Variants in LRRTM4 observed in about 807,000 individuals in gnomAD.
LRRTM4 encodes the protein leucine rich repeat transmembrane neuronal 4, also known as leucine-rich repeat transmembrane neuronal protein 4.
A neutral mutation model predicts 47.6 loss-of-function variants in LRRTM4; 25 were observed. The ratio of observed to expected loss-of-function variants is 0.53; its 90% CI spans 0.38 to 0.73. The LOEUF is 0.73. LRRTM4 is among the 30% of genes least tolerant of loss of function. The pLI, the probability that LRRTM4 is intolerant of heterozygous loss-of-function variation, is 0.00. For missense variants in LRRTM4, 638 were observed against 713.4 expected, an observed-to-expected ratio of 0.89 and a Z score of 1.20; for synonymous variants, 311 against 269.5, an observed-to-expected ratio of 1.15 and a Z score of -1.51.
chr2:77,490,505 G>A (rs965619561), intron 3 of LRRTM4, among the ~76,000 whole-genome samples: 1 of 152,102 alleles, frequency 6.6e-6, no homozygotes, highest in Non-Finnish European at 1.5e-5. Flanking sequence ...AAGAAGAGCA[G>A]TACTTTCTGG....
chr2:76,906,845 A>T (rs1673858376), intron 3 of LRRTM4, among the ~76,000 whole-genome samples: 1 of 151,458 alleles, frequency 6.6e-6, no homozygotes, highest in African/African-American at 2.4e-5. Context: ...AGATTCATAA[A>T]GCAAGTCCTG....
chr2:76,786,370 T>G (rs1308327728), intron 3 of LRRTM4, among the ~76,000 whole-genome samples: 1 of 152,050 alleles, frequency 6.6e-6, no homozygotes, highest in Admixed American at 6.6e-5. Context: ...AAATGATGAA[T>G]AGGCAAATTG....
intron 3 of LRRTM4, among the ~76,000 whole-genome samples, chr2:76,843,129 C>T (rs1347709043): frequency 6.6e-6 from 1 of 152,036 alleles, no homozygotes; most frequent in Non-Finnish European, 1.5e-5. Context: ...AGTTGATAGC[C>T]ATCCTCTTTT....
intron 3 of LRRTM4, among the ~76,000 whole-genome samples, chr2:77,021,152 T>C (rs1678255445): frequency 6.6e-6 from 1 of 152,054 alleles, no homozygotes; most frequent in African/African-American, 2.4e-5. Context: ...ATCTATTGCC[T>C]TATCTATATG....
chr2:77,191,144 T>C (rs1673658991), intron 3 of LRRTM4, among the ~76,000 whole-genome samples: 1 of 152,112 alleles, frequency 6.6e-6, no homozygotes, highest in African/African-American at 2.4e-5. Context: ...AAAGTCTCAG[T>C]AAACTTTCAA....
At chr2:76,819,626 G>C (rs1243745905) in intron 3 of LRRTM4, among the ~76,000 whole-genome samples, 1 of 151,706 alleles carries the variant, frequency 6.6e-6, no homozygotes, top group East Asian at 1.9e-4. Flanking sequence ...CAAAGACTTT[G>C]CCACACACAA....
intron 3 of LRRTM4, among the ~76,000 whole-genome samples, chr2:76,921,544 A>G (rs1674433154): frequency 6.6e-6 from 1 of 152,102 alleles, no homozygotes; most frequent in Admixed American, 6.6e-5. Context: ...TATAGCAGGT[A>G]GTACCTATAT....
At position 77,415,466 on chromosome 2, in the gene LRRTM4, C is replaced by T. The variant is rs1416629360; in HGVS notation, c.1551+102852G>A. Among the ~76,000 whole-genome samples the T allele has an allele frequency of 3.3e-5, 5 of 152,092 alleles. No individual in the cohort carries two copies. In the South Asian group the frequency reaches 1.0e-3, roughly 32 times the overall value. The stretch of plus-strand genomic sequence containing the variant: ...TTTCTTACTGAACTCGAAACTTATT[C>T]ATATAGCCTTCTTAAATTCCATGGA... On this transcript the variant is annotated intron_variant, in intron 3 of 3. Coordinates refer to ENST00000409884, the MANE Select transcript of LRRTM4 (RefSeq NM_001134745.3).
intron 3 of LRRTM4, among the ~76,000 whole-genome samples, chr2:77,401,559 C>T (rs1673956727): frequency 1.3e-5 from 2 of 151,822 alleles, no homozygotes; most frequent in South Asian, 4.1e-4. Context: ...GCACATAGAA[C>T]AGTTCCTGAC....
intron 3 of LRRTM4, among the ~76,000 whole-genome samples, chr2:77,199,102 T>C (rs769295342): frequency 3.1e-4 from 47 of 152,286 alleles, no homozygotes; most frequent in Non-Finnish European, 6.3e-4. Context: ...ATAATACTTA[T>C]TGAATGCTAA....
At chr2:77,436,918 A>C (rs1675623898) in intron 3 of LRRTM4, among the ~76,000 whole-genome samples, 1 of 151,942 alleles carries the variant, frequency 6.6e-6, no homozygotes, top group Admixed American at 6.5e-5. Context: ...CATCTATAAT[A>C]AGGAATATTT....
chr2:77,358,850 G>A (rs1424855813), intron 3 of LRRTM4, among the ~76,000 whole-genome samples: 1 of 152,044 alleles, frequency 6.6e-6, no homozygotes, highest in East Asian at 1.9e-4. Context: ...TAGGGCTTAG[G>A]GCAATTGTGT....
rs571256909 is a variant in LRRTM4 at position 77,078,802 on chromosome 2, C to T, written c.1552-329886G>A. On this transcript the variant is annotated intron_variant, in intron 3 of 3. Transcript: ENST00000409884. ...ATACCATCTTACTTCATTCCAGATG[C>T]TCTAACAAAATACTATAGACTGAGT... Among the ~76,000 whole-genome samples the T allele has an allele frequency of 3.0e-4, 46 of 152,284 alleles. No homozygotes were observed. The South Asian group carries it at 9.5e-3, about 32-fold the overall frequency.
chr2:77,506,992 C>T (rs775274396), intron 3 of LRRTM4, among the ~76,000 whole-genome samples: 1 of 151,986 alleles, frequency 6.6e-6, no homozygotes, highest in Non-Finnish European at 1.5e-5. Context: ...CATACCTGTG[C>T]ATATGATAGA....
chr2:77,217,461 A>ATATATATATATATATG lies in LRRTM4; in HGVS notation c.1551+300856_1551+300857insCATATATATATATATA, dbSNP rs1383554161. 2.6e-4 allele frequency among the ~76,000 whole-genome samples: 36 copies of ATATATATATATATATG among 138,536 alleles called. 2 individuals carry two copies. The highest frequency in any genetic ancestry group is 1.0e-3 in the African/African-American group (36 of 36,142). 90.9% of individuals were successfully genotyped at this position (138,536 alleles called of 152,430 possible). On this transcript the variant is annotated intron_variant, in intron 3 of 3. Transcript: ENST00000409884. ...ATGAAATATATATATATATATATAT[A>ATATATATATATATATG]TATATATACTAAGCCTTTAATTTAA...
At chr2:77,225,435 A>T (rs1478843202) in intron 3 of LRRTM4, among the ~76,000 whole-genome samples, 2 of 151,944 alleles carry the variant, frequency 1.3e-5, no homozygotes, top group Non-Finnish European at 2.9e-5. Flanking sequence ...AAAAAAAAAA[A>T]ACAGCTGATG....
In LRRTM4 at chr2:76,836,132, C is replaced by A. The variant is rs571301741; in HGVS notation, c.1552-87216G>T. On this transcript the variant is annotated intron_variant, in intron 3 of 3. Transcript: ENST00000409884. ...CTAAGGTGTATTTGAAGACAGTTTT[C>A]CAGTCTCAAGATATTATAGTATGCG... 7.6e-5 allele frequency among the ~76,000 whole-genome samples: 11 copies of A among 145,176 alleles called. No individual in the cohort carries two copies. In the Admixed American group the frequency reaches 7.8e-4, roughly 10 times the overall value.
At chr2:76,961,143 A>G (rs142272788) in intron 3 of LRRTM4, among the ~76,000 whole-genome samples, 2 of 151,614 alleles carry the variant, frequency 1.3e-5, no homozygotes, top group East Asian at 2.0e-4. Context: ...ATTGGATAGC[A>G]TAATATACAG....
At chr2:77,095,193 C>T (rs1670772363) in intron 3 of LRRTM4, among the ~76,000 whole-genome samples, 1 of 152,020 alleles carries the variant, frequency 6.6e-6, no homozygotes, top group Admixed American at 6.6e-5. Flanking sequence ...AAATTAAAAC[C>T]ACAGTGAGAT....
Sources: gnomAD v4.1 joint callset for allele counts (sites outside exome capture counted in the v4.1 genomes callset) on GRCh38, gnomAD v4.1.1 for gene constraint, MANE v1.5 for transcripts, NCBI Gene and HGNC (gene_info 2026-07-23, HGNC 2026-07-21) for gene names.